PITPNA: variants seen among roughly 807,000 people sequenced by gnomAD.
The protein encoded by PITPNA is phosphatidylinositol transfer protein alpha isoform.
PITPNA carries 13 observed loss-of-function variants against 50.3 expected under a neutral mutation model. The observed-to-expected ratio is 0.26, with a 90% CI of 0.17 to 0.41. The LOEUF is 0.41. Ranked by LOEUF, PITPNA falls within the 10% of genes least tolerant of loss-of-function variation. PITPNA has a pLI of 1.00. For synonymous variants in PITPNA, 120 were observed against 119.6 expected, an observed-to-expected ratio of 1.00 and a Z score of -0.02; for missense variants, 207 against 333.4, an observed-to-expected ratio of 0.62 and a Z score of 2.95.
At chr17:1,540,907 T>C (rs2075645245) in intron 6 of PITPNA, among the ~76,000 whole-genome samples, 1 of 152,106 alleles carries the variant, frequency 6.6e-6, no homozygotes, top group Non-Finnish European at 1.5e-5. Flanking sequence ...ATGTTGTTTT[T>C]TTGTTTTTGG....
intron 3 of PITPNA, among the ~76,000 whole-genome samples, chr17:1,552,677 G>T (rs1444743660): frequency 6.6e-6 from 1 of 152,188 alleles, no homozygotes; most frequent in Non-Finnish European, 1.5e-5. Flanking sequence ...ATCTGGAAAT[G>T]ACTAGAAATA....
At chr17:1,545,891 A>C (rs2075671281) in intron 4 of PITPNA, among the ~76,000 whole-genome samples, 1 of 147,964 alleles carries the variant, frequency 6.8e-6, no homozygotes, top group Non-Finnish European at 1.5e-5. Context: ...CCTAGACCAG[A>C]CACACCCAGC....
Position 1,549,779 on chromosome 17 carries a change from A to G in PITPNA, c.198-1392T>C, listed in dbSNP as rs150772439. On this transcript the variant is annotated intron_variant, in intron 3 of 11. Transcript: ENST00000313486. ...TTCCTCCATCTCCTGGGTTCCAGCA[A>G]TCCTCCTTCCTCAGCCTCCTAAGTA... Among the ~76,000 whole-genome samples, 14 of 144,570 alleles carry G rather than the reference A, an allele frequency of 9.7e-5. 3 individuals carry two copies. The East Asian group carries it at 3.5e-3, about 36-fold the overall frequency. The allele number at this position is 144,570 out of a possible 152,430, so 94.8% of individuals were successfully genotyped here.
chr17:1,541,826 C>G, intron 5 of PITPNA, 186 bp from the exon 6 acceptor site: 1 of 689,604 alleles, frequency 1.5e-6, no homozygotes. Context: ...CCATTCAATC[C>G]TCACCCCAGC....
chr17:1,560,684 A>G (rs1322828593), intron 1 of PITPNA, among the ~76,000 whole-genome samples: 1 of 152,224 alleles, frequency 6.6e-6, no homozygotes, highest in African/African-American at 2.4e-5. Context: ...AATCAGAAGG[A>G]TGGGAAAAGC....
rs1417893092 is a variant in PITPNA, at chr17:1,553,100, G to A, written c.101C>T (p.Thr34Met). 1 of 1,613,792 alleles carries A rather than the reference G, an allele frequency of 6.2e-7. No individual in the cohort carries two copies. The highest frequency in any genetic ancestry group is 8.5e-7 in the Non-Finnish European group (1 of 1,179,832). ...GACCTCCACGCCTTCGCCACCACCCGTTTCATTTTTACTGGCCTCAGCCAC... is the reference window on the plus strand; with the variant it reads ...GACCTCCACGCCTTCGCCACCACCCATTTCATTTTTACTGGCCTCAGCCAC... ...YSVAEASKNE[T>M]GGGEGVEVLV... The change falls in exon 3 of 12, where the codon ACG (threonine) becomes ATG (methionine). Residue 34 changes from threonine (T) to methionine (M), a missense_variant. Transcript: ENST00000313486.
At chr17:1,558,878 T>C in intron 1 of PITPNA, among the ~76,000 whole-genome samples, 1 of 146,028 alleles carries the variant, frequency 6.8e-6, no homozygotes. Flanking sequence ...AGTCCAAACC[T>C]ATCCTCCCGC....
rs903580764 is a variant in PITPNA at position 1,543,997 on chromosome 17, C to G, written c.290-970G>C. On this transcript the variant is annotated intron_variant, in intron 4 of 11. Coordinates refer to ENST00000313486, the MANE Select transcript of PITPNA (RefSeq NM_006224.4). ...GCCGTGGTGGGCCCCGGAGGCCCAG[C>G]CCCCGCATGTGGCATCTCTGGCAGC... Among the ~76,000 whole-genome samples, 8 of 152,298 alleles carry G rather than the reference C, an allele frequency of 5.3e-5. 1 individual carries two copies. Among genetic ancestry groups the G allele is most frequent in the Admixed American group, 3.3e-4 (5 of 15,300 alleles).
At chr17:1,530,537 G>C (rs1478895125) in intron 10 of PITPNA, among the ~76,000 whole-genome samples, 1 of 152,204 alleles carries the variant, frequency 6.6e-6, no homozygotes, top group East Asian at 1.9e-4. Flanking sequence ...TGGCCTTGCA[G>C]TGACCCTTCA....
chr17:1,553,830 C>A (rs1014066111), intron 2 of PITPNA, among the ~76,000 whole-genome samples: 5 of 152,216 alleles, frequency 3.3e-5, no homozygotes, highest in Admixed American at 1.3e-4. Flanking sequence ...TCTCCTCACC[C>A]CGCAAGTAGC....
intron 3 of PITPNA, among the ~76,000 whole-genome samples, chr17:1,549,030 CTT>C (rs1227033401): frequency 7.2e-5 from 11 of 152,196 alleles, no homozygotes; most frequent in Non-Finnish European, 1.6e-4. Context: ...GCCTCAGCCT[CTT>C]GAGTAGCTGG....
At chr17:1,536,280 G>GTT (rs11358582) in intron 7 of PITPNA, among the ~76,000 whole-genome samples, 44 of 143,634 alleles carry the variant, frequency 3.1e-4, no homozygotes, top group Non-Finnish European at 3.1e-4. Flanking sequence ...AAGCTGAGAA[G>GTT]TTTTTTTTTT....
chr17:1,546,105 T>C (rs2075673066), intron 4 of PITPNA, among the ~76,000 whole-genome samples: 2 of 151,834 alleles, frequency 1.3e-5, no homozygotes, highest in African/African-American at 4.8e-5. Flanking sequence ...CTTTTTGTAT[T>C]TTTAGTAGAA....
intron 11 of PITPNA, among the ~76,000 whole-genome samples, chr17:1,520,990 G>C (rs1420982284): frequency 6.6e-6 from 1 of 152,128 alleles, no homozygotes; most frequent in Non-Finnish European, 1.5e-5. Flanking sequence ...GTTAACGGAA[G>C]GAGGGGGCTT....
intron 6 of PITPNA, among the ~76,000 whole-genome samples, chr17:1,540,447 A>G (rs998643216): frequency 2.0e-5 from 3 of 152,262 alleles, no homozygotes; most frequent in Admixed American, 2.0e-4. Flanking sequence ...CGGCATGCAC[A>G]CACCTTGTTT....
At position 1,548,305 on chromosome 17, in the gene PITPNA, A is replaced by T. The variant is rs755724669; in HGVS notation, c.280T>A (p.Cys94Ser). The change falls in exon 4 of 12, where the codon TGC (cysteine) becomes AGC (serine). Residue 94 changes from cysteine to serine, a missense_variant. Physicochemically the swap from Cys to Ser is moderately radical, Grantham distance 112. Transcript: ENST00000313486. The stretch of plus-strand genomic sequence containing the variant: ...CCCCGGCTGCACTCACCGGTTCTGC[A>T]GTAGGGGTAAGCATTCCAGGCTTTC... ...HEKAWNAYPY[C>S]RTVITNEYMK... 6.2e-7 allele frequency: 1 copy of T among 1,606,320 alleles called. No homozygotes were observed. The highest frequency in any genetic ancestry group is 8.5e-7 in the Non-Finnish European group (1 of 1,176,592).
In PITPNA at chr17:1,562,361, C is replaced by A. The variant is rs2075772901; in HGVS notation, c.20+180G>T. ...CGGCCGCCCCTCCGTGCCCCGTGGG[C>A]CCCGCCTCACGTGCCGCCCGCCCCG... On this transcript the variant is annotated intron_variant, in intron 1 of 11. Coordinates refer to ENST00000313486, the MANE Select transcript of PITPNA (RefSeq NM_006224.4). The surrounding 1 kb of genome is among the most constrained non-coding windows in gnomAD (Gnocchi z 6.4). Among the ~76,000 whole-genome samples the A allele has an allele frequency of 6.6e-6, 1 of 150,488 alleles. No homozygotes were observed. Among genetic ancestry groups the A allele is most frequent in the Admixed American group, 6.6e-5 (1 of 15,144 alleles).
intron 2 of PITPNA, 114 bp downstream of exon 2, chr17:1,558,415 T>TA: frequency 1.4e-6 from 1 of 705,000 alleles, no homozygotes; most frequent in Non-Finnish European, 2.5e-6. Context: ...TTGAAATATT[T>TA]ATGTTAGAAC....
intron 9 of PITPNA, among the ~76,000 whole-genome samples, chr17:1,534,518 C>T (rs2075603332): frequency 6.6e-6 from 1 of 152,178 alleles, no homozygotes; most frequent in Non-Finnish European, 1.5e-5. Context: ...CCTAGGCAAG[C>T]CAAGGGCCCC....
Sources: allele counts gnomAD v4.1 joint callset (sites outside exome capture counted in the v4.1 genomes callset), GRCh38; gene constraint gnomAD v4.1.1; non-coding constraint Gnocchi (gnomAD v3.1); transcripts MANE v1.5; gene names NCBI Gene and HGNC (gene_info 2026-07-23, HGNC 2026-07-21).